Variants in RANBP17 observed in about 807,000 individuals in gnomAD.
RANBP17 encodes the protein RAN binding protein 17.
Under a neutral mutation model 141.2 loss-of-function variants are expected in RANBP17, and 158 were observed. The ratio of observed to expected loss-of-function variants is 1.12; its 90% CI spans 0.98 to 1.28. The LOEUF is 1.28. Ranked by LOEUF, RANBP17 falls within the 50% of genes most tolerant of loss-of-function variation. The probability of loss-of-function intolerance (pLI) is 0.00; values close to 1 mark genes in which losing one functional copy is unlikely to be tolerated. For synonymous variants in RANBP17, 430 were observed against 450.0 expected (o/e 0.96, Z 0.56); for missense variants, 1,438 against 1,290.7 (o/e 1.11, Z -1.75).
At chr5:171,007,229 GAAAGGTCTGATAGAGAA>G (rs1779702628) in intron 14 of RANBP17, among the ~76,000 whole-genome samples, 1 of 152,126 alleles carries the variant, frequency 6.6e-6, no homozygotes, top group Non-Finnish European at 1.5e-5. Flanking sequence ...GCTGATTTGG[GAAAGGTCTGATAGAGAA>G]AAAGGCACAC....
At chr5:171,288,729 G>A (rs1227417477) in intron 25 of RANBP17, among the ~76,000 whole-genome samples, 3 of 152,214 alleles carry the variant, frequency 2.0e-5, no homozygotes, top group Non-Finnish European at 2.9e-5. Flanking sequence ...CTCCATAAAT[G>A]AGGGCTATTA....
At chr5:170,977,949 C>T (rs772559428) in intron 14 of RANBP17, among the ~76,000 whole-genome samples, 30 of 151,962 alleles carry the variant, frequency 2.0e-4, no homozygotes, top group Non-Finnish European at 5.9e-5. Context: ...GAAAAAAACA[C>T]TGAATTGTGC....
chr5:171,170,244 G>A, intron 15 of RANBP17, 41 bp downstream of exon 15: 2 of 1,092,252 alleles, frequency 1.8e-6, no homozygotes, highest in Non-Finnish European at 2.7e-6. Flanking sequence ...TTTTGTTGTT[G>A]TTTTAAATGT....
intron 14 of RANBP17, among the ~76,000 whole-genome samples, chr5:171,124,353 A>G (rs1052528577): frequency 3.3e-5 from 5 of 152,148 alleles, no homozygotes; most frequent in Middle Eastern, 3.2e-3. Flanking sequence ...CCAGTATACC[A>G]TATGAGATGC....
At chr5:171,248,797 A>T (rs1765381232) in intron 24 of RANBP17, among the ~76,000 whole-genome samples, 1 of 152,062 alleles carries the variant, frequency 6.6e-6, no homozygotes, top group South Asian at 2.1e-4. Flanking sequence ...CCACCCAGAG[A>T]GCTGCACTCA....
chr5:171,059,008 T>A (rs1163263463), intron 14 of RANBP17, among the ~76,000 whole-genome samples: 4 of 151,650 alleles, frequency 2.6e-5, no homozygotes, highest in Admixed American at 6.6e-5. Context: ...TTGATGGAGT[T>A]GTTTTTTTTT....
At chr5:170,896,153 G>C in intron 5 of RANBP17, 38 bp downstream of exon 5, 1 of 1,390,480 alleles carries the variant, frequency 7.2e-7, no homozygotes, top group Non-Finnish European at 1.0e-6. Context: ...GCCTGAGTTT[G>C]CTTAAGTAAT....
In RANBP17 at chr5:171,298,800, C is replaced by CA; in HGVS notation, c.3210dup (p.Glu1071ArgfsTer6). ...CTGTCTGTATTCAGAAGAGATGTGG[C>CA]AGAGGCGTTGCGCAGTGATGGCAAC... On this transcript the variant is annotated frameshift_variant, in exon 28 of 28. Transcript: ENST00000523189. LOFTEE classifies it high-confidence loss of function. 6.2e-7 allele frequency: 1 copy of CA among 1,614,190 alleles called. No homozygotes were observed. Among genetic ancestry groups the CA allele is most frequent in the Non-Finnish European group, 8.5e-7 (1 of 1,180,012 alleles).
chr5:171,003,143 G>T (rs1047113510), intron 14 of RANBP17, among the ~76,000 whole-genome samples: 1 of 152,164 alleles, frequency 6.6e-6, no homozygotes, highest in Non-Finnish European at 1.5e-5. Flanking sequence ...AAGGTCAATT[G>T]TTTGGTTAAA....
At chr5:170,873,458 C>T (rs1312748470) in intron 1 of RANBP17, among the ~76,000 whole-genome samples, 4 of 152,198 alleles carry the variant, frequency 2.6e-5, no homozygotes, top group Non-Finnish European at 4.4e-5. Context: ...TAGAATTCGA[C>T]TGTGAATCTG....
chr5:171,034,711 A>G (rs1781761061), intron 14 of RANBP17, among the ~76,000 whole-genome samples: 2 of 152,258 alleles, frequency 1.3e-5, no homozygotes, highest in South Asian at 4.1e-4. Flanking sequence ...GTGAGAGGCA[A>G]AGTTAGAGAA....
chr5:171,099,113 T>A (rs907629326), intron 14 of RANBP17, among the ~76,000 whole-genome samples: 9 of 152,170 alleles, frequency 5.9e-5, no homozygotes, highest in Non-Finnish European at 8.8e-5. Context: ...TTTGGTTCCA[T>A]ATGAAATTTA....
chr5:171,131,476 C>T (rs1756914454), intron 14 of RANBP17, among the ~76,000 whole-genome samples: 1 of 152,078 alleles, frequency 6.6e-6, no homozygotes, highest in Non-Finnish European at 1.5e-5. Context: ...AAGCAGAGGC[C>T]CATCATGTTC....
At chr5:171,166,237 A>G (rs961929029) in intron 14 of RANBP17, among the ~76,000 whole-genome samples, 1 of 152,164 alleles carries the variant, frequency 6.6e-6, no homozygotes, top group South Asian at 2.1e-4. Flanking sequence ...ATCTCTGACT[A>G]TATAAAACTC....
At position 171,161,990 on chromosome 5, in the gene RANBP17, C is replaced by T. The variant is rs76945388; in HGVS notation, c.1711-8140C>T. On this transcript the variant is annotated intron_variant, in intron 14 of 27. Coordinates refer to ENST00000523189, the MANE Select transcript of RANBP17 (RefSeq NM_022897.5). ...CAGCTTCTTTGCCCTAAAATTTAATCGTCATCTTATAAACTTGCTATTGCA... is the reference window on the plus strand; with the variant it reads ...CAGCTTCTTTGCCCTAAAATTTAATTGTCATCTTATAAACTTGCTATTGCA... Among the ~76,000 whole-genome samples, 276 of 152,294 alleles carry T rather than the reference C, an allele frequency of 1.8e-3. 2 individuals carry two copies. The highest frequency in any genetic ancestry group is 6.4e-3 in the African/African-American group (267 of 41,560).
chr5:171,106,671 T>A (rs1303839442), intron 14 of RANBP17, among the ~76,000 whole-genome samples: 1 of 152,070 alleles, frequency 6.6e-6, no homozygotes, highest in Non-Finnish European at 1.5e-5. Context: ...CTTGGAAAAA[T>A]TTTTTCAAAA....
chr5:170,927,700 G>A (rs757510590), intron 12 of RANBP17, among the ~76,000 whole-genome samples: 35 of 151,878 alleles, frequency 2.3e-4, no homozygotes, highest in Admixed American at 5.9e-4. Flanking sequence ...AATATGGTGA[G>A]CATATTTTGT....
In RANBP17 at chr5:170,892,540, A is replaced by G. The variant is rs1341846825; in HGVS notation, c.410A>G (p.Lys137Arg). 6.2e-7 allele frequency: 1 copy of G among 1,613,542 alleles called. No homozygotes were observed. The highest frequency in any genetic ancestry group is 8.5e-7 in the Non-Finnish European group (1 of 1,179,716). Residue 137 changes from lysine to arginine, a missense_variant, in exon 4 of 28, where the codon AAG becomes AGG. Physicochemically the swap from Lys to Arg is conservative, Grantham distance 26. Transcript: ENST00000523189. ...FVFREIIADV[K>R]KFLQGTVEHC... ...TTCAGAGAAATTATTGCTGATGTGA[A>G]GAAGTTTCTCCAGGTAAGAAGTCAT...
In RANBP17 at chr5:171,063,052, T is replaced by C. The variant is rs547545288; in HGVS notation, c.1710+94675T>C. Among the ~76,000 whole-genome samples, 311 of 152,240 alleles carry C rather than the reference T, an allele frequency of 2.0e-3. No homozygotes were observed. The Middle Eastern group carries it at 0.027, about 13-fold the overall frequency. On this transcript the variant is annotated intron_variant, in intron 14 of 27. Coordinates refer to ENST00000523189, the MANE Select transcript of RANBP17 (RefSeq NM_022897.5). ...TTCTCTGTATTGGTTATTCTAGTTATACATTCATCTAAATTTTTTTCAAAG... is the reference window on the plus strand; with the variant it reads ...TTCTCTGTATTGGTTATTCTAGTTACACATTCATCTAAATTTTTTTCAAAG...
Sources: allele counts gnomAD v4.1 joint callset (sites outside exome capture counted in the v4.1 genomes callset), GRCh38; gene constraint gnomAD v4.1.1; transcripts MANE v1.5; gene names NCBI Gene and HGNC (gene_info 2026-07-23, HGNC 2026-07-21).